Variants in CNTN3 observed in about 807,000 individuals in gnomAD.
CNTN3 encodes the protein contactin 3.
Under a neutral mutation model 119.1 loss-of-function variants are expected in CNTN3, and 60 were observed. That is an observed-to-expected ratio of 0.50 (90% CI 0.41 to 0.62). CNTN3 has a LOEUF of 0.62. CNTN3 is among the 20% of genes least tolerant of loss of function. The pLI is 0.00. For synonymous variants in CNTN3, 450 were observed against 438.7 expected (o/e 1.03, Z -0.32); for missense variants, 1,101 against 1,242.4 (o/e 0.89, Z 1.71).
chr3:74,285,607 A>C (rs1575697707), intron 19 of CNTN3, 116 bp from the exon 20 acceptor site: 1 of 1,019,222 alleles, frequency 9.8e-7, no homozygotes, highest in Middle Eastern at 2.8e-4. Context: ...ACCAATATTT[A>C]CTGAAGACCT....
chr3:74,378,745 T>C (rs184797699), intron 5 of CNTN3, among the ~76,000 whole-genome samples: 1,920 of 152,360 alleles, frequency 0.013, 21 homozygotes, highest in Non-Finnish European at 0.018. Context: ...TCTGGTCTTT[T>C]AAGAAAAGGT....
At chr3:74,482,213 T>C (rs976496947) in intron 4 of CNTN3, among the ~76,000 whole-genome samples, 1 of 151,944 alleles carries the variant, frequency 6.6e-6, no homozygotes, top group African/African-American at 2.4e-5. Context: ...TAGGCAAAAG[T>C]ACTACAGAAA....
At position 74,269,445 on chromosome 3, in the gene CNTN3, A is replaced by G. The variant is rs562627993; in HGVS notation, c.2705-2067T>C. ...CATGTTCAAAATGCTATTATTAGTA[A>G]CTAATACTTAGTACACGTCTATAAT... On this transcript the variant is annotated intron_variant, in intron 20 of 22. Coordinates refer to ENST00000263665, the MANE Select transcript of CNTN3 (RefSeq NM_020872.3). 2.0e-5 allele frequency among the ~76,000 whole-genome samples: 3 copies of G among 152,286 alleles called. No individual in the cohort carries two copies. In the South Asian group the frequency reaches 6.2e-4, roughly 32 times the overall value.
chr3:74,295,668 G>A (rs1478471847), intron 18 of CNTN3, among the ~76,000 whole-genome samples: 1 of 152,182 alleles, frequency 6.6e-6, no homozygotes, highest in Non-Finnish European at 1.5e-5. Flanking sequence ...AACACTGAGT[G>A]AGTACCCTGT....
intron 19 of CNTN3, among the ~76,000 whole-genome samples, chr3:74,288,341 T>G (rs938100860): frequency 1.3e-5 from 2 of 151,916 alleles, no homozygotes; most frequent in African/African-American, 4.8e-5. Flanking sequence ...GTATTTTTAG[T>G]AGAGACAGGG....
At chr3:74,445,716 C>T (rs984750876) in intron 4 of CNTN3, among the ~76,000 whole-genome samples, 8 of 152,098 alleles carry the variant, frequency 5.3e-5, no homozygotes, top group African/African-American at 1.2e-4. Flanking sequence ...ATGAAGAATG[C>T]TAGTAGAAAA....
At chr3:74,289,716 A>G (rs1702186656) in intron 19 of CNTN3, among the ~76,000 whole-genome samples, 1 of 152,222 alleles carries the variant, frequency 6.6e-6, no homozygotes, top group African/African-American at 2.4e-5. Flanking sequence ...TGAGCCTTGG[A>G]GAGCTCGAAC....
At chr3:74,588,261 C>G (rs1704633527) in intron 1 of CNTN3, among the ~76,000 whole-genome samples, 1 of 152,064 alleles carries the variant, frequency 6.6e-6, no homozygotes, top group Non-Finnish European at 1.5e-5. Context: ...AGCAAACTCT[C>G]AGGATAAAAA....
chr3:74,567,305 A>G (rs1021331715), intron 1 of CNTN3, among the ~76,000 whole-genome samples: 1 of 139,462 alleles, frequency 7.2e-6, no homozygotes, highest in East Asian at 2.1e-4. Flanking sequence ...TATACTCAAC[A>G]AATTTTTAAT....
chr3:74,362,088 T>C (rs985518540), intron 10 of CNTN3, 48 bp from the exon 11 acceptor site: 12 of 1,591,426 alleles, frequency 7.5e-6, no homozygotes, highest in African/African-American at 2.7e-5. Context: ...TTTACAAAAC[T>C]TCTTGTCAAT....
chr3:74,601,338 C>T (rs960906365), intron 1 of CNTN3, among the ~76,000 whole-genome samples: 1 of 152,060 alleles, frequency 6.6e-6, no homozygotes, highest in Non-Finnish European at 1.5e-5. Context: ...AAGAAGCATA[C>T]AGATTACTAC....
At chr3:74,504,173 GT>G in intron 2 of CNTN3, among the ~76,000 whole-genome samples, 1 of 152,250 alleles carries the variant, frequency 6.6e-6, no homozygotes, top group South Asian at 2.1e-4. Context: ...AGCACATACT[GT>G]TTTTCCTTAC....
chr3:74,429,137 G>A (rs765777954), intron 4 of CNTN3, among the ~76,000 whole-genome samples: 22 of 151,640 alleles, frequency 1.5e-4, no homozygotes, highest in Non-Finnish European at 2.6e-4. Flanking sequence ...AATTCTGATC[G>A]AAATATCAGC....
intron 5 of CNTN3, among the ~76,000 whole-genome samples, chr3:74,379,564 G>A (rs1559572300): frequency 6.6e-6 from 1 of 152,120 alleles, no homozygotes; most frequent in Non-Finnish European, 1.5e-5. Context: ...AATGTGAAGA[G>A]CAACTCTGGA....
Position 74,373,332 on chromosome 3 carries a change from C to T in CNTN3, c.455-1933G>A, listed in dbSNP as rs531266136. On this transcript the variant is annotated intron_variant, in intron 5 of 22. Coordinates refer to ENST00000263665, the MANE Select transcript of CNTN3 (RefSeq NM_020872.3). ...GCCCTTCAGGGTCTTCCTGCTGCTC[C>T]GGCAACCTCACTTTGCAGTAAAGGA... Among the ~76,000 whole-genome samples, 21 of 152,286 alleles carry T rather than the reference C, an allele frequency of 1.4e-4. 1 individual carries two copies. Among genetic ancestry groups the T allele is most frequent in the Middle Eastern group, 3.4e-3 (1 of 294 alleles).
At chr3:74,369,634 G>A (rs534334847) in intron 7 of CNTN3, among the ~76,000 whole-genome samples, 217 of 147,482 alleles carry the variant, frequency 1.5e-3, no homozygotes, top group African/African-American at 5.3e-3. Context: ...TACAGCAAAT[G>A]AACAAGAAAA....
intron 18 of CNTN3, 88 bp downstream of exon 18, chr3:74,297,869 T>C: frequency 1.1e-6 from 1 of 938,250 alleles, no homozygotes; most frequent in Non-Finnish European, 1.6e-6. Context: ...ATAAATATAT[T>C]TGAAGTCAAA....
chr3:74,418,370 C>T (rs1327624011), intron 5 of CNTN3, among the ~76,000 whole-genome samples: 3 of 68,662 alleles, frequency 4.4e-5, no homozygotes, highest in South Asian at 8.7e-4. Context: ...GAGTCAGAGT[C>T]TCACTCTGTT....
intron 13 of CNTN3, among the ~76,000 whole-genome samples, chr3:74,327,915 C>G (rs1703170059): frequency 6.6e-6 from 1 of 151,424 alleles, no homozygotes; most frequent in African/African-American, 2.4e-5. Context: ...CTCTTATATT[C>G]TTTTTCTAAT....
Sources: gnomAD v4.1 joint callset for allele counts (sites outside exome capture counted in the v4.1 genomes callset) on GRCh38, gnomAD v4.1.1 for gene constraint, MANE v1.5 for transcripts, NCBI Gene and HGNC (gene_info 2026-07-23, HGNC 2026-07-21) for gene names.